Variants in LRBA observed in about 807,000 individuals in gnomAD.
LRBA encodes the protein LPS responsive beige-like anchor protein, also known as lipopolysaccharide-responsive and beige-like anchor protein.
LRBA carries 176 observed loss-of-function variants against 330.0 expected under a neutral mutation model. The observed-to-expected ratio is 0.53, with a 90% confidence interval of 0.47 to 0.60. LRBA has a LOEUF of 0.60. Among genes scored for constraint, LRBA ranks in the 20% least tolerant of loss-of-function variants. The pLI is 0.00. For synonymous variants in LRBA, 1,230 were observed against 1,193.0 expected (o/e 1.03, Z -0.64); for missense variants, 3,259 against 3,444.8 (o/e 0.95, Z 1.35).
chr4:150,850,461 C>T (rs1055736085), intron 24 of LRBA, among the ~76,000 whole-genome samples: 2 of 152,024 alleles, frequency 1.3e-5, no homozygotes, highest in Non-Finnish European at 2.9e-5. Flanking sequence ...TGGTGAATTC[C>T]GTGCCATAAA....
At chr4:150,920,812 C>A (rs1733171268) in intron 5 of LRBA, among the ~76,000 whole-genome samples, 1 of 152,012 alleles carries the variant, frequency 6.6e-6, no homozygotes, top group Admixed American at 6.6e-5. Context: ...TCTATTTCTT[C>A]ACTATCATTC....
Position 150,634,871 on chromosome 4 carries a change from A to T in LRBA, c.5922-35740T>A, listed in dbSNP as rs1192348087. Among the ~76,000 whole-genome samples, 5 of 152,130 alleles carry T rather than the reference A, an allele frequency of 3.3e-5. No individual in the cohort carries two copies. In the East Asian group the frequency reaches 7.7e-4, roughly 23 times the overall value. On this transcript the variant is annotated intron_variant, in intron 37 of 56. Coordinates refer to ENST00000651943, the MANE Select transcript of LRBA (RefSeq NM_001364905.1). The stretch of plus-strand genomic sequence containing the variant: ...AGCCGTAGTCTTAAGCAGTCATAAG[A>T]CTCTAGAGGGTGGATCCCTGCACCA...
At chr4:150,833,284 TCTA>T (rs1747473873) in intron 28 of LRBA, among the ~76,000 whole-genome samples, 1 of 152,016 alleles carries the variant, frequency 6.6e-6, no homozygotes, top group Non-Finnish European at 1.5e-5. Context: ...ACACCACTAT[TCTA>T]CTAACTTTCC....
chr4:150,675,000 T>A (rs556162582), intron 37 of LRBA, among the ~76,000 whole-genome samples: 2 of 152,052 alleles, frequency 1.3e-5, no homozygotes, highest in African/African-American at 4.8e-5. Flanking sequence ...GTAGATTGCT[T>A]GAGCCCAGGG....
chr4:150,347,900 T>C (rs1438308975), intron 48 of LRBA, among the ~76,000 whole-genome samples: 2 of 152,154 alleles, frequency 1.3e-5, no homozygotes, highest in African/African-American at 4.8e-5. Flanking sequence ...TAAGAAAAGA[T>C]GGTCAAAGAC....
Position 150,448,568 on chromosome 4 carries a change from G to A in LRBA, c.6781-11704C>T, listed in dbSNP as rs551094961. Among the ~76,000 whole-genome samples the A allele has an allele frequency of 5.9e-5, 9 of 152,202 alleles. No individual in the cohort carries two copies. In the South Asian group the frequency reaches 8.3e-4, roughly 14 times the overall value. The stretch of plus-strand genomic sequence containing the variant: ...TGTAATCCCAGCACTTCGGGAGGCC[G>A]AGGCAGGTGGATCACTGGAGGTTAG... On this transcript the variant is annotated intron_variant, in intron 44 of 56. Coordinates refer to ENST00000651943, the MANE Select transcript of LRBA (RefSeq NM_001364905.1).
chr4:150,608,987 T>C (rs1353043494), intron 37 of LRBA, among the ~76,000 whole-genome samples: 1 of 152,060 alleles, frequency 6.6e-6, no homozygotes, highest in African/African-American at 2.4e-5. Flanking sequence ...CGCTGCATTT[T>C]GATTATCCAT....
At chr4:150,875,079 A>G (rs1175480052) in intron 17 of LRBA, among the ~76,000 whole-genome samples, 1 of 152,142 alleles carries the variant, frequency 6.6e-6, no homozygotes, top group African/African-American at 2.4e-5. Context: ...GGCCAGGCAG[A>G]TTTCCAGGCA....
chr4:150,907,346 G>A (rs1195590127), intron 11 of LRBA, among the ~76,000 whole-genome samples: 1 of 97,128 alleles, frequency 1.0e-5, no homozygotes, highest in Non-Finnish European at 2.1e-5. Context: ...AGGGGAGGAA[G>A]GGGAAGGGGG....
intron 37 of LRBA, among the ~76,000 whole-genome samples, chr4:150,633,976 G>A (rs76992036): frequency 2.6e-5 from 4 of 152,150 alleles, no homozygotes; most frequent in Non-Finnish European, 5.9e-5. Flanking sequence ...TTAGTTGGGC[G>A]TGGTGGCGGG....
intron 4 of LRBA, among the ~76,000 whole-genome samples, chr4:150,922,347 A>C (rs1261134602): frequency 6.6e-6 from 1 of 150,654 alleles, no homozygotes. Flanking sequence ...AAAATCATGG[A>C]ACCTACCCAA....
chr4:150,422,197 C>T (rs1014369038), intron 46 of LRBA, among the ~76,000 whole-genome samples: 3 of 152,100 alleles, frequency 2.0e-5, no homozygotes, highest in Admixed American at 2.0e-4. Flanking sequence ...GAGGGCAAGG[C>T]TGCAGTGAGC....
At chr4:150,863,922 T>A (rs376173305) in intron 22 of LRBA, among the ~76,000 whole-genome samples, 16 of 152,102 alleles carry the variant, frequency 1.1e-4, no homozygotes, top group African/African-American at 3.6e-4. Flanking sequence ...TTTGGTCTCA[T>A]GACACTTTAT....
In LRBA at chr4:150,271,653, G is replaced by A. The variant is rs146658085; in HGVS notation, c.8469-5841C>T. ...GCACAGCAGTCTGAAGTTGACCTGG[G>A]ACACTCAAGCTTGGTGGGGGGAGGA... is the stretch of plus-strand genomic sequence containing the variant. On this transcript the variant is annotated intron_variant, in intron 56 of 56. Transcript: ENST00000651943. Among the ~76,000 whole-genome samples, 1,431 of 151,874 alleles carry A rather than the reference G, an allele frequency of 9.4e-3. 16 individuals are homozygous for A. Among genetic ancestry groups the A allele is most frequent in the African/African-American group, 0.033 (1,366 of 41,280 alleles).
chr4:150,803,089 C>T (rs879261848), intron 33 of LRBA, among the ~76,000 whole-genome samples: 12,177 of 140,592 alleles, frequency 0.087, 952 homozygotes, highest in African/African-American at 0.22. Context: ...TATATACACA[C>T]ACACACACAC....
intron 40 of LRBA, among the ~76,000 whole-genome samples, chr4:150,547,027 T>C (rs1393279515): frequency 6.6e-6 from 1 of 152,214 alleles, no homozygotes. Context: ...ATTTAAATTT[T>C]ACCCAAGTAA....
chr4:150,781,159 G>A (rs1420649954), intron 34 of LRBA, among the ~76,000 whole-genome samples: 5 of 152,172 alleles, frequency 3.3e-5, no homozygotes, highest in African/African-American at 9.7e-5. Flanking sequence ...GATTACAGGC[G>A]TGAGCCACCA....
chr4:150,893,910 C>T (rs1161105667), intron 16 of LRBA, among the ~76,000 whole-genome samples: 2 of 151,986 alleles, frequency 1.3e-5, no homozygotes, highest in East Asian at 1.9e-4. Context: ...CTCCTGACCT[C>T]GTGATCCACC....
At chr4:150,865,276 T>C (rs920454292) in intron 22 of LRBA, among the ~76,000 whole-genome samples, 1 of 152,188 alleles carries the variant, frequency 6.6e-6, no homozygotes, top group Admixed American at 6.5e-5. Context: ...AAACTAAAGT[T>C]ACAGAAAGGA....
Sources: allele counts gnomAD v4.1 joint callset (sites outside exome capture counted in the v4.1 genomes callset), GRCh38; gene constraint gnomAD v4.1.1; transcripts MANE v1.5; gene names NCBI Gene and HGNC (gene_info 2026-07-23, HGNC 2026-07-21).